The following SCP2 variants were observed in gnomAD, a reference collection of about 807,000 sequenced individuals.
SCP2 encodes the protein sterol carrier protein 2.
A neutral mutation model predicts 71.4 loss-of-function variants in SCP2; 48 were observed. The observed-to-expected ratio is 0.67, with a 90% confidence interval of 0.53 to 0.86. The LOEUF is 0.86. SCP2 is among the 40% of genes least tolerant of loss of function. The pLI is 0.00. For missense variants in SCP2, 560 were observed against 655.6 expected, an observed-to-expected ratio of 0.85 and a Z score of 1.59; for synonymous variants, 220 against 218.1, an observed-to-expected ratio of 1.01 and a Z score of -0.08.
At chr1:53,033,791 T>C (rs1210221261) in intron 13 of SCP2, among the ~76,000 whole-genome samples, 1 of 152,094 alleles carries the variant, frequency 6.6e-6, no homozygotes, top group Non-Finnish European at 1.5e-5. Context: ...GACCCAGCAA[T>C]TACACTTCTA....
At chr1:52,928,673 G>C in intron 1 of SCP2, 1 of 154,686 alleles carries the variant, frequency 6.5e-6, no homozygotes, top group Middle Eastern at 5.2e-4. Context: ...TCGGGAGGCT[G>C]AGGTGGGAGG....
chr1:53,021,543 C>T (rs1304161188), intron 12 of SCP2, among the ~76,000 whole-genome samples: 6 of 151,872 alleles, frequency 4.0e-5, no homozygotes, highest in African/African-American at 1.2e-4. Flanking sequence ...TAGTCTTGAA[C>T]TCCTGACCTC....
chr1:53,030,013 C>T (rs1224419573), intron 13 of SCP2, among the ~76,000 whole-genome samples: 6 of 152,014 alleles, frequency 3.9e-5, no homozygotes, highest in Non-Finnish European at 7.4e-5. Flanking sequence ...CTCAGCCTCC[C>T]GAGTAGCTGG....
At chr1:52,976,380 G>T (rs1156861922) in intron 7 of SCP2, among the ~76,000 whole-genome samples, 1 of 152,060 alleles carries the variant, frequency 6.6e-6, no homozygotes, top group Non-Finnish European at 1.5e-5. Context: ...AAGATAACAA[G>T]GCCCACCATA....
intron 6 of SCP2, among the ~76,000 whole-genome samples, chr1:52,972,317 A>G (rs1657570588): frequency 6.6e-6 from 1 of 152,244 alleles, no homozygotes; most frequent in Non-Finnish European, 1.5e-5. Context: ...ATTCAGAATC[A>G]GTAGTCAATA....
chr1:52,998,488 CAA>C (rs1259272543), intron 11 of SCP2, among the ~76,000 whole-genome samples: 1 of 151,688 alleles, frequency 6.6e-6, no homozygotes, highest in Non-Finnish European at 1.5e-5. Context: ...CTCAGCTACC[CAA>C]GAGGCCGAGG....
intron 12 of SCP2, among the ~76,000 whole-genome samples, chr1:53,021,366 G>C (rs1661710589): frequency 6.9e-6 from 1 of 145,100 alleles, no homozygotes; most frequent in South Asian, 2.1e-4. Flanking sequence ...GCCCAGGCTG[G>C]AGTGCAGTTG....
chr1:52,978,403 A>C (rs760461947), intron 9 of SCP2, 36 bp downstream of exon 9: 2 of 1,535,078 alleles, frequency 1.3e-6, no homozygotes, highest in Middle Eastern at 3.5e-4. Context: ...TTTTATTTTT[A>C]AGATGGAGTC....
intron 12 of SCP2, among the ~76,000 whole-genome samples, chr1:53,021,780 G>GACT (rs1331135372): frequency 6.6e-6 from 1 of 151,620 alleles, no homozygotes; most frequent in Non-Finnish European, 1.5e-5. Context: ...GAGTAGCTGG[G>GACT]ACTACAGTCA....
chr1:52,955,555 C>G (rs1164409271), intron 5 of SCP2, among the ~76,000 whole-genome samples: 1 of 152,078 alleles, frequency 6.6e-6, no homozygotes, highest in Non-Finnish European at 1.5e-5. Context: ...CTCAGTAAAA[C>G]CTTTCATTGA....
chr1:53,028,104 C>A (rs1036883879), intron 13 of SCP2, 33 bp downstream of exon 13: 2 of 1,235,404 alleles, frequency 1.6e-6, no homozygotes, highest in African/African-American at 3.0e-5. Flanking sequence ...CCAGGAAGGA[C>A]CTTGAGGCTA....
Position 53,042,323 on chromosome 1 carries a change from T to C in SCP2, c.1468+3277T>C, listed in dbSNP as rs566700409. On this transcript the variant is annotated intron_variant, in intron 14 of 15. Transcript: ENST00000371514. ...TTACTTTTATATTTAGATATGCCCA[T>C]ACTGATATTAAGGTTGTTTTTTTTT... 2.0e-5 allele frequency among the ~76,000 whole-genome samples: 3 copies of C among 151,828 alleles called. No homozygotes were observed. In the East Asian group the frequency reaches 5.8e-4, roughly 29 times the overall value.
chr1:53,048,007 T>A (rs1368124739), intron 15 of SCP2, 70 bp downstream of exon 15: 1 of 1,075,784 alleles, frequency 9.3e-7, no homozygotes, highest in Admixed American at 1.7e-5. Flanking sequence ...ATCTCCTGAC[T>A]CAGACTCTAA....
intron 4 of SCP2, among the ~76,000 whole-genome samples, chr1:52,953,060 C>CTTTTTTT (rs570429324): frequency 7.7e-5 from 8 of 103,664 alleles, no homozygotes; most frequent in Middle Eastern, 7.1e-3. Flanking sequence ...GCAATTCTGT[C>CTTTTTTT]TTTTTTTTTT....
intron 11 of SCP2, chr1:52,993,329 C>T: frequency 1.2e-6 from 2 of 1,614,168 alleles, no homozygotes; most frequent in Admixed American, 1.7e-5. Context: ...TACATTCATC[C>T]TAATCTTTGC....
chr1:52,979,423 C>G (rs1183397691), intron 9 of SCP2, among the ~76,000 whole-genome samples: 1 of 151,064 alleles, frequency 6.6e-6, no homozygotes, highest in African/African-American at 2.4e-5. Flanking sequence ...TCAAGCGATT[C>G]ACCTGCCTCG....
At chr1:52,985,104 A>G (rs534104450) in intron 10 of SCP2, among the ~76,000 whole-genome samples, 8 of 152,162 alleles carry the variant, frequency 5.3e-5, no homozygotes, top group African/African-American at 1.9e-4. Flanking sequence ...CAGCCTCCCA[A>G]AGTGCTGGGA....
intron 8 of SCP2, among the ~76,000 whole-genome samples, chr1:52,977,183 G>A (rs532684833): frequency 6.6e-6 from 1 of 152,300 alleles, no homozygotes; most frequent in Admixed American, 6.5e-5. Flanking sequence ...GATGATAACA[G>A]TTGTTTCTTG....
At chr1:53,043,475 C>T (rs778245618) in intron 14 of SCP2, among the ~76,000 whole-genome samples, 16 of 152,236 alleles carry the variant, frequency 1.1e-4, no homozygotes, top group Non-Finnish European at 1.9e-4. Flanking sequence ...TGAATGTTTA[C>T]ATACTTCCTA....
Sources: allele counts gnomAD v4.1 joint callset (sites outside exome capture counted in the v4.1 genomes callset), GRCh38; gene constraint gnomAD v4.1.1; transcripts MANE v1.5; gene names NCBI Gene and HGNC (gene_info 2026-07-23, HGNC 2026-07-21).